CDH13: variants seen among roughly 807,000 people sequenced by gnomAD.
The protein encoded by CDH13 is cadherin-13.
CDH13 carries 24 observed loss-of-function variants against 63.8 expected under a neutral mutation model. The observed-to-expected ratio is 0.38, with a 90% confidence interval of 0.27 to 0.53. The LOEUF (loss-of-function observed/expected upper bound fraction) is 0.53. Among genes scored for constraint, CDH13 ranks in the 20% least tolerant of loss-of-function variants. The pLI, the probability that CDH13 is intolerant of heterozygous loss-of-function variation, is 0.85. For missense variants in CDH13, 1,049 were observed against 903.1 expected (o/e 1.16, Z -2.07); for synonymous variants, 503 against 355.3 (o/e 1.42, Z -4.67).
rs184119955 is a variant in CDH13, at chr16:83,135,521, T to G, written c.483+10020T>G. On this transcript the variant is annotated intron_variant, in intron 4 of 13. Transcript: ENST00000567109. ...CAGTCTATTTGTGGTACAAACTGAG[T>G]TGCCTTTCTGTGTCACCTGCAATTG... Among the ~76,000 whole-genome samples the G allele has an allele frequency of 5.7e-3, 874 of 152,250 alleles. 4 individuals carry two copies. The highest frequency in any genetic ancestry group is 0.02 in the African/African-American group (830 of 41,542).
chr16:82,716,324 G>C (rs1269746549), intron 1 of CDH13, among the ~76,000 whole-genome samples: 1 of 152,052 alleles, frequency 6.6e-6, no homozygotes, highest in Non-Finnish European at 1.5e-5. Flanking sequence ...AAGGTGGTGG[G>C]AATTCTCCAT....
intron 1 of CDH13, among the ~76,000 whole-genome samples, chr16:82,650,050 G>C (rs968670171): frequency 1.3e-5 from 2 of 152,130 alleles, no homozygotes; most frequent in Non-Finnish European, 2.9e-5. Context: ...AGAAACTGAG[G>C]CTCAGTCACT....
chr16:82,653,871 A>C (rs1911008408), intron 1 of CDH13, among the ~76,000 whole-genome samples: 1 of 152,166 alleles, frequency 6.6e-6, no homozygotes, highest in Non-Finnish European at 1.5e-5. Context: ...TGAAGACCAC[A>C]TTCAAGGCCC....
At position 83,795,608 on chromosome 16, in the gene CDH13, C is replaced by G. The variant is rs1039556093; in HGVS notation, c.*578C>G. The G allele has an allele frequency of 2.0e-5, 3 of 152,342 alleles. No individual in the cohort carries two copies. Among genetic ancestry groups the G allele is most frequent in the Non-Finnish European group, 4.4e-5 (3 of 68,162 alleles). 9.4% of individuals were successfully genotyped at this position (152,342 alleles called of 1,614,324 possible). On this transcript the variant is annotated 3_prime_UTR_variant, in exon 14 of 14. Coordinates refer to ENST00000567109, the MANE Select transcript of CDH13 (RefSeq NM_001257.5). ...CTACTTCTCCACTGTCCCGTTCAGTCTGAATGCTGCCACAACCAGCCAGGC... is the reference window on the plus strand; with the variant it reads ...CTACTTCTCCACTGTCCCGTTCAGTGTGAATGCTGCCACAACCAGCCAGGC...
intron 10 of CDH13, among the ~76,000 whole-genome samples, chr16:83,714,526 C>G (rs899548450): frequency 6.6e-6 from 1 of 152,170 alleles, no homozygotes; most frequent in African/African-American, 2.4e-5. Context: ...CATTCAGTAA[C>G]TAACCATGTG....
chr16:82,792,974 C>T (rs1035360114), intron 1 of CDH13, among the ~76,000 whole-genome samples: 1 of 152,232 alleles, frequency 6.6e-6, no homozygotes, highest in Non-Finnish European at 1.5e-5. Flanking sequence ...TTCTTGCTTG[C>T]CCGCCTGGGA....
chr16:83,542,368 G>A (rs1001141631), intron 7 of CDH13, among the ~76,000 whole-genome samples: 8 of 152,108 alleles, frequency 5.3e-5, no homozygotes, highest in South Asian at 2.1e-4. Context: ...ACTAGCCTGC[G>A]GCAGAATCCC....
chr16:82,647,781 T>C (rs756905631), intron 1 of CDH13, among the ~76,000 whole-genome samples: 1 of 152,122 alleles, frequency 6.6e-6, no homozygotes, highest in Non-Finnish European at 1.5e-5. Flanking sequence ...AGACAGGAGC[T>C]TGGGGTTGGG....
At chr16:83,268,589 C>T (rs1216274682) in intron 5 of CDH13, among the ~76,000 whole-genome samples, 2 of 152,180 alleles carry the variant, frequency 1.3e-5, no homozygotes, top group Admixed American at 6.5e-5. Context: ...GTCTACGTTT[C>T]TACGTTTTTT....
intron 1 of CDH13, among the ~76,000 whole-genome samples, chr16:82,788,801 G>A (rs1319717703): frequency 6.6e-6 from 1 of 152,170 alleles, no homozygotes; most frequent in Non-Finnish European, 1.5e-5. Context: ...CCCAGGTGAT[G>A]TTATTTGCAT....
intron 6 of CDH13, among the ~76,000 whole-genome samples, chr16:83,465,895 G>C (rs1427570075): frequency 6.6e-6 from 1 of 152,214 alleles, no homozygotes; most frequent in East Asian, 1.9e-4. Flanking sequence ...ATCACTGGTG[G>C]TGTTCTCTTT....
At chr16:82,867,410 A>G (rs2040187092) in intron 2 of CDH13, among the ~76,000 whole-genome samples, 1 of 152,184 alleles carries the variant, frequency 6.6e-6, no homozygotes, top group Non-Finnish European at 1.5e-5. Flanking sequence ...AGCCAAGCTC[A>G]TCCTGTCTCT....
At chr16:83,742,283 C>T (rs1286069119) in intron 10 of CDH13, among the ~76,000 whole-genome samples, 4 of 152,174 alleles carry the variant, frequency 2.6e-5, no homozygotes, top group African/African-American at 4.8e-5. Flanking sequence ...ACCCCCACTG[C>T]GCTGCCTGCG....
At chr16:82,653,946 T>G (rs1911017590) in intron 1 of CDH13, among the ~76,000 whole-genome samples, 1 of 151,944 alleles carries the variant, frequency 6.6e-6, no homozygotes, top group Non-Finnish European at 1.5e-5. Flanking sequence ...AGATAAGACT[T>G]GCTAATTAAC....
intron 7 of CDH13, among the ~76,000 whole-genome samples, chr16:83,492,835 T>C (rs958935471): frequency 6.6e-6 from 1 of 152,176 alleles, no homozygotes; most frequent in East Asian, 1.9e-4. Context: ...GAAGAAGACC[T>C]TGATGAGTCT....
intron 7 of CDH13, among the ~76,000 whole-genome samples, chr16:83,501,129 G>A (rs2074275072): frequency 6.6e-6 from 1 of 152,218 alleles, no homozygotes; most frequent in South Asian, 2.1e-4. Context: ...ACACTGACCA[G>A]CTGTTTATCT....
chr16:83,290,426 C>T (rs545247380), intron 5 of CDH13, among the ~76,000 whole-genome samples: 27 of 152,188 alleles, frequency 1.8e-4, no homozygotes, highest in Non-Finnish European at 2.5e-4. Flanking sequence ...GTGAAGAAGT[C>T]TCACGAGATC....
At chr16:83,173,245 C>G (rs2037996133) in intron 4 of CDH13, among the ~76,000 whole-genome samples, 2 of 152,240 alleles carry the variant, frequency 1.3e-5, no homozygotes, top group South Asian at 2.1e-4. Flanking sequence ...AGCGTTTGAA[C>G]TCAGGCAGTC....
At chr16:82,645,600 G>C (rs1909996532) in intron 1 of CDH13, among the ~76,000 whole-genome samples, 1 of 152,108 alleles carries the variant, frequency 6.6e-6, no homozygotes, top group African/African-American at 2.4e-5. Flanking sequence ...CAGTAGTGCT[G>C]AGGTGGAAAA....
Sources: gnomAD v4.1 joint callset for allele counts (sites outside exome capture counted in the v4.1 genomes callset) on GRCh38, gnomAD v4.1.1 for gene constraint, MANE v1.5 for transcripts, NCBI Gene and HGNC (gene_info 2026-07-23, HGNC 2026-07-21) for gene names.